CALCOCO2: variants seen among roughly 807,000 people sequenced by gnomAD.
CALCOCO2 encodes calcium binding and coiled-coil domain 2.
Under a neutral mutation model 62.5 loss-of-function variants are expected in CALCOCO2, and 42 were observed. The ratio of observed to expected loss-of-function variants is 0.67; its 90% CI spans 0.53 to 0.87. The LOEUF (loss-of-function observed/expected upper bound fraction) is 0.87. Ranked by LOEUF, CALCOCO2 falls within the 40% of genes least tolerant of loss-of-function variation. The pLI is 0.00. For synonymous variants in CALCOCO2, 167 were observed against 173.0 expected (o/e 0.97, Z 0.27); for missense variants, 456 against 515.0 (o/e 0.89, Z 1.11).
At chr17:48,850,781 A>G (rs2040117278) in intron 5 of CALCOCO2, among the ~76,000 whole-genome samples, 1 of 151,710 alleles carries the variant, frequency 6.6e-6, no homozygotes, top group Non-Finnish European at 1.5e-5. Context: ...GACCAGGCGC[A>G]GTGGCTCATG....
In CALCOCO2 at chr17:48,863,696, C is replaced by A. The variant is rs2143692121; in HGVS notation, c.*691C>A. ...TACATAGCTTTTATTGTTGTAAATC[C>A]TTTCTTAATGGTTAAATAGGATTGT... is the stretch of plus-strand genomic sequence containing the variant. On this transcript the variant is annotated 3_prime_UTR_variant, in exon 13 of 13. Transcript: ENST00000258947. 1 of 152,368 alleles carries A rather than the reference C, an allele frequency of 6.6e-6. No homozygotes were observed. Among genetic ancestry groups the A allele is most frequent in the East Asian group, 1.9e-4 (1 of 5,184 alleles). The allele number at this position is 152,368 out of a possible 1,614,324, so 9.4% of individuals were successfully genotyped here. A position where few individuals can be genotyped will look rare whatever the true frequency, so the allele number is the denominator to read the frequency against.
chr17:48,833,903 T>G (rs972784215), intron 1 of CALCOCO2, among the ~76,000 whole-genome samples: 2 of 152,002 alleles, frequency 1.3e-5, no homozygotes, highest in African/African-American at 4.8e-5. Context: ...CCGAGGCAGA[T>G]GGATCGCCTG....
chr17:48,849,680 AT>A (rs1299305148), intron 5 of CALCOCO2, among the ~76,000 whole-genome samples: 1 of 151,522 alleles, frequency 6.6e-6, no homozygotes, highest in Non-Finnish European at 1.5e-5. Flanking sequence ...CAATTTTTAT[AT>A]TTTTTAGAGA....
chr17:48,860,223 A>G, intron 10 of CALCOCO2, 91 bp from the exon 11 acceptor site: 2 of 929,748 alleles, frequency 2.2e-6, no homozygotes, highest in Non-Finnish European at 1.7e-6. Flanking sequence ...TTGCTAATTG[A>G]GAACTACCTG....
rs1305640376 is a variant in CALCOCO2, at chr17:48,863,649, C to G, written c.*644C>G. 1 of 153,792 alleles carries G rather than the reference C, an allele frequency of 6.5e-6. No individual in the cohort carries two copies. The highest frequency in any genetic ancestry group is 1.4e-5 in the Non-Finnish European group (1 of 69,184). 9.5% of individuals were successfully genotyped at this position (153,792 alleles called of 1,614,324 possible). On this transcript the variant is annotated 3_prime_UTR_variant, in exon 13 of 13. Coordinates refer to ENST00000258947, the MANE Select transcript of CALCOCO2 (RefSeq NM_005831.5). ...TCTGGGTACCTCTGGTTAGCACTTTCTACTCTCTGATATTTCCTATGTACA... is the reference window on the plus strand; with the variant it reads ...TCTGGGTACCTCTGGTTAGCACTTTGTACTCTCTGATATTTCCTATGTACA...
chr17:48,856,847 G>A (rs2040223542), intron 10 of CALCOCO2, among the ~76,000 whole-genome samples: 3 of 149,920 alleles, frequency 2.0e-5, no homozygotes, highest in Admixed American at 2.0e-4. Flanking sequence ...ACCCAGGCTT[G>A]GAGTGCAGTG....
intron 11 of CALCOCO2, among the ~76,000 whole-genome samples, chr17:48,861,639 GTA>G (rs1491127072): frequency 0.019 from 1,391 of 72,500 alleles, 49 homozygotes; most frequent in African/African-American, 0.073. Context: ...ATATATATAT[GTA>G]TATATATATA....
intron 10 of CALCOCO2, among the ~76,000 whole-genome samples, chr17:48,859,906 C>G (rs1428546536): frequency 6.6e-6 from 1 of 152,086 alleles, no homozygotes; most frequent in African/African-American, 2.4e-5. Flanking sequence ...ACCAGCCCGG[C>G]CAACATGGTG....
At chr17:48,856,865 C>T (rs1324131177) in intron 10 of CALCOCO2, among the ~76,000 whole-genome samples, 1 of 151,426 alleles carries the variant, frequency 6.6e-6, no homozygotes, top group Non-Finnish European at 1.5e-5. Context: ...GTGGCACAAG[C>T]TTGGCTCACT....
At chr17:48,853,608 A>G (rs989255740) in intron 9 of CALCOCO2, among the ~76,000 whole-genome samples, 7 of 152,218 alleles carry the variant, frequency 4.6e-5, no homozygotes, top group Non-Finnish European at 1.0e-4. Context: ...TATATGCATC[A>G]TCCAGTCAAC....
chr17:48,851,814 G>A, intron 7 of CALCOCO2, 186 bp downstream of exon 7: 2 of 509,744 alleles, frequency 3.9e-6, no homozygotes, highest in South Asian at 5.7e-5. Context: ...CCCTACCCAT[G>A]CCCCTGCTTT....
intron 9 of CALCOCO2, 33 bp downstream of exon 9, chr17:48,853,045 G>C: frequency 7.1e-7 from 1 of 1,410,898 alleles, no homozygotes; most frequent in Non-Finnish European, 1.0e-6. Context: ...ATGTGGGAGG[G>C]AGCCTATAGG....
chr17:48,852,865 T>C, intron 8 of CALCOCO2, 61 bp from the exon 9 acceptor site: 1 of 1,258,656 alleles, frequency 7.9e-7, no homozygotes, highest in Non-Finnish European at 1.2e-6. Context: ...GGCCCTTCCA[T>C]GGTGTGTGTG....
intron 2 of CALCOCO2, among the ~76,000 whole-genome samples, chr17:48,843,518 T>C (rs778609280): frequency 6.6e-6 from 1 of 152,192 alleles, no homozygotes; most frequent in Non-Finnish European, 1.5e-5. Context: ...TTTCCATAAT[T>C]GTTTGGAACA....
intron 9 of CALCOCO2, chr17:48,853,241 T>G (rs772515245): frequency 2.2e-5 from 10 of 461,410 alleles, no homozygotes; most frequent in Non-Finnish European, 3.2e-5. Context: ...TTAAACTTCA[T>G]GACAAGATGT....
At position 48,862,292 on chromosome 17, in the gene CALCOCO2, T is replaced by G. The variant is rs1450368700; in HGVS notation, c.1161T>G (p.Ser387=). The G allele has an allele frequency of 1.3e-6, 2 of 1,592,922 alleles. No homozygotes were observed. Among genetic ancestry groups the G allele is most frequent in the African/African-American group, 2.7e-5 (2 of 74,438 alleles). Reference sequence around the variant, plus strand: ...TCTTTTCAGGTATCCAAGAAAGTTCTTCCCCCAGCCCGGTAAGTATTTGAT... The same window carrying G: ...TCTTTTCAGGTATCCAAGAAAGTTCGTCCCCCAGCCCGGTAAGTATTTGAT... ...GNPYSGIQES[S]SPSPLSIKKC... Residue 387 remains serine, a synonymous_variant, in exon 12 of 13, where the codon TCT becomes TCG. Coordinates refer to ENST00000258947, the MANE Select transcript of CALCOCO2 (RefSeq NM_005831.5).
At chr17:48,850,913 G>T in intron 5 of CALCOCO2, 176 bp from the exon 6 acceptor site, 1 of 380,122 alleles carries the variant, frequency 2.6e-6, no homozygotes, top group Non-Finnish European at 4.6e-6. Context: ...GTGAGACACT[G>T]TCTTAAAAAA....
Position 48,831,038 on chromosome 17 carries a change from C to T in CALCOCO2, c.-51C>T, listed in dbSNP as rs1408472367. 6.6e-6 allele frequency: 1 copy of T among 152,344 alleles called. No individual in the cohort carries two copies. Among genetic ancestry groups the T allele is most frequent in the African/African-American group, 2.4e-5 (1 of 41,444 alleles). 9.4% of individuals were successfully genotyped at this position (152,344 alleles called of 1,614,324 possible). On this transcript the variant is annotated 5_prime_UTR_variant, in exon 1 of 13. Coordinates refer to ENST00000258947, the MANE Select transcript of CALCOCO2 (RefSeq NM_005831.5). ...TGCTTAGCCCCGCCCCCGTCCCACT[C>T]TGCCCTGTTGCTGTCGCGCCGCTGC...
intron 1 of CALCOCO2, 90 bp downstream of exon 1, chr17:48,831,168 G>A (rs1365346966): frequency 6.6e-6 from 1 of 152,498 alleles, no homozygotes; most frequent in Non-Finnish European, 1.5e-5. Context: ...GGGGGTAGAG[G>A]TGTGGCAAGT....
Sources: gnomAD v4.1 joint callset for allele counts (sites outside exome capture counted in the v4.1 genomes callset) on GRCh38, gnomAD v4.1.1 for gene constraint, MANE v1.5 for transcripts, NCBI Gene and HGNC (gene_info 2026-07-23, HGNC 2026-07-21) for gene names.